Variants in CEP85 observed in about 807,000 individuals in gnomAD.
The protein encoded by CEP85 is centrosomal protein of 85 kDa.
Under a neutral mutation model 93.7 loss-of-function variants are expected in CEP85, and 58 were observed. The observed-to-expected ratio is 0.62, with a 90% CI of 0.50 to 0.77. The LOEUF is 0.77. Among genes scored for constraint, CEP85 ranks in the 30% least tolerant of loss-of-function variants. The pLI is 0.00. For missense variants in CEP85, 868 were observed against 922.0 expected (o/e 0.94, Z 0.76); for synonymous variants, 314 against 338.6 (o/e 0.93, Z 0.80).
chr1:26,259,746 T>TG lies in CEP85; in HGVS notation c.1285_1286insG (p.Ser429CysfsTer11). 1 of 1,613,464 alleles carries TG rather than the reference T, an allele frequency of 6.2e-7. No homozygotes were observed. ...AGTTGAAGTCCAGCTCATCAGAGAGTCGCTCAAAGTGGCGTTGCAGAAGCA... is the reference window on the plus strand; with the variant it reads ...AGTTGAAGTCCAGCTCATCAGAGAGTGCGCTCAAAGTGGCGTTGCAGAAGCA... On this transcript the variant is annotated frameshift_variant, in exon 7 of 14. Transcript: ENST00000451429. LOFTEE classifies it high-confidence loss of function.
intron 2 of CEP85, among the ~76,000 whole-genome samples, chr1:26,240,518 G>C (rs1442636011): frequency 6.6e-6 from 1 of 151,968 alleles, no homozygotes; most frequent in Non-Finnish European, 1.5e-5. Flanking sequence ...GTATTGTTTG[G>C]GGAATAAGAA....
rs749515523 is a variant in CEP85, at chr1:26,244,314, G to A, written c.204G>A (p.Ala68=). ...TTGGTACATCATGCTCAGATATTGC[G>A]GAGGGTAAGTTTGTATTAATGATTT... ...TAIGTSCSDI[A]EDFCSSSGSP... is the part of the protein sequence containing the mutation. The change falls in exon 3 of 14, where the codon GCG becomes GCA. Residue 68 remains alanine (A), a synonymous_variant. Coordinates refer to ENST00000451429, the MANE Select transcript of CEP85 (RefSeq NM_001319944.2). 88 of 1,613,026 alleles carry A rather than the reference G, an allele frequency of 5.5e-5. No homozygotes were observed. The highest frequency in any genetic ancestry group is 6.6e-5 in the Non-Finnish European group (78 of 1,179,506).
At chr1:26,265,905 C>G (rs2089886592) in intron 7 of CEP85, among the ~76,000 whole-genome samples, 1 of 151,366 alleles carries the variant, frequency 6.6e-6, no homozygotes, top group African/African-American at 2.4e-5. Flanking sequence ...TGACGAGACT[C>G]CATCTCTATA....
chr1:26,246,876 A>C lies in CEP85; in HGVS notation c.208+2558A>C, dbSNP rs2089517570. 4.6e-5 allele frequency among the ~76,000 whole-genome samples: 7 copies of C among 152,302 alleles called. No homozygotes were observed. In the South Asian group the frequency reaches 1.4e-3, roughly 32 times the overall value. On this transcript the variant is annotated intron_variant, in intron 3 of 13. Transcript: ENST00000451429. ...AACCATTATATATGAAGTTAAAAAAAAGCCAGACACAAAAGGCTGTATATT... is the reference window on the plus strand; with the variant it reads ...AACCATTATATATGAAGTTAAAAAACAGCCAGACACAAAAGGCTGTATATT...
chr1:26,251,686 A>G (rs2124575881), intron 3 of CEP85, among the ~76,000 whole-genome samples: 1 of 152,316 alleles, frequency 6.6e-6, no homozygotes, highest in South Asian at 2.1e-4. Flanking sequence ...TTGGCAATTA[A>G]GTTTCCAACA....
In CEP85 at chr1:26,255,550, A is replaced by G. The variant is rs1447675970; in HGVS notation, c.588A>G (p.Thr196=). The change falls in exon 4 of 14, where the codon ACA becomes ACG. Residue 196 remains threonine (T), a synonymous_variant. Transcript: ENST00000451429. ...STLNQSAMME[T]LYSDPHHRVR... ...TCAATCAGTCGGCAATGATGGAGAC[A>G]CTTTATTCAGATCCTCACCACCGAG... The G allele has an allele frequency of 6.2e-7, 1 of 1,614,122 alleles. No homozygotes were observed. Among genetic ancestry groups the G allele is most frequent in the South Asian group, 1.1e-5 (1 of 91,072 alleles).
Position 26,277,187 on chromosome 1 carries a change from G to C in CEP85, c.2180G>C (p.Arg727Thr). 6.2e-7 allele frequency: 1 copy of C among 1,614,192 alleles called. No homozygotes were observed. The highest frequency in any genetic ancestry group is 8.5e-7 in the Non-Finnish European group (1 of 1,179,998). The change falls in exon 14 of 14, where the codon AGG (arginine) becomes ACG (threonine). Residue 727 changes from arginine to threonine, a missense_variant. Transcript: ENST00000451429. ...LDLQKPDVIKRKLEEVQQLRR... is the reference protein window; with the variant it reads ...LDLQKPDVIKTKLEEVQQLRR... ...TTGCAGAAGCCAGATGTGATCAAGA[G>C]GAAACTAGAAGAGGTTCAACAGCTG...
At chr1:26,253,153 G>T (rs998628296) in intron 3 of CEP85, among the ~76,000 whole-genome samples, 2 of 151,960 alleles carry the variant, frequency 1.3e-5, no homozygotes, top group Non-Finnish European at 2.9e-5. Flanking sequence ...CTATAACTTG[G>T]CTATTGTGAA....
At chr1:26,244,078 C>T in intron 2 of CEP85, 88 bp from the exon 3 acceptor site, 8 of 1,224,502 alleles carry the variant, frequency 6.5e-6, no homozygotes, top group South Asian at 1.5e-5. Context: ...CTGCTATTCT[C>T]TTAGGTTTAT....
chr1:26,278,192 T>C lies in CEP85; in HGVS notation c.*899T>C, dbSNP rs1277804185. 6.6e-6 allele frequency: 1 copy of C among 152,534 alleles called. No homozygotes were observed. The highest frequency in any genetic ancestry group is 6.6e-5 in the Admixed American group (1 of 15,246). The allele number at this position is 152,534 out of a possible 1,614,324, so 9.4% of individuals were successfully genotyped here. A position where few individuals can be genotyped will look rare whatever the true frequency, so the allele number is the denominator to read the frequency against. On this transcript the variant is annotated 3_prime_UTR_variant, in exon 14 of 14. Transcript: ENST00000451429. ...ATTTGTGCCTCTCTTGTGTTGGGGG[T>C]GGTGGGGGTTATTCCTTTCCCTTTC...
At chr1:26,249,550 C>A (rs1030184640) in intron 3 of CEP85, among the ~76,000 whole-genome samples, 5 of 152,102 alleles carry the variant, frequency 3.3e-5, no homozygotes, top group African/African-American at 1.2e-4. Context: ...GAAAGATTCT[C>A]GAGGGACAGA....
chr1:26,244,478 A>C (rs1477513337), intron 3 of CEP85, among the ~76,000 whole-genome samples, 160 bp downstream of exon 3: 1 of 152,078 alleles, frequency 6.6e-6, no homozygotes, highest in African/African-American at 2.4e-5. Flanking sequence ...TGTGCTTCTC[A>C]CATCTGGTCC....
intron 3 of CEP85, among the ~76,000 whole-genome samples, chr1:26,250,048 A>T (rs2089579447): frequency 6.6e-6 from 1 of 152,188 alleles, no homozygotes; most frequent in Admixed American, 6.5e-5. Context: ...CCTGGTTCCC[A>T]TACACTAAAT....
intron 10 of CEP85, 21 bp downstream of exon 10, chr1:26,271,128 T>A (rs1182334577): frequency 1.4e-6 from 2 of 1,466,418 alleles, no homozygotes; most frequent in Non-Finnish European, 1.9e-6. Flanking sequence ...GTGTCCAGGC[T>A]GTAACGGAGG....
intron 7 of CEP85, among the ~76,000 whole-genome samples, chr1:26,261,444 C>T (rs1001319302): frequency 6.6e-6 from 1 of 151,836 alleles, no homozygotes; most frequent in South Asian, 2.1e-4. Context: ...TGCACCCCAG[C>T]CTAGGCAACA....
At chr1:26,251,560 C>T (rs1009145433) in intron 3 of CEP85, among the ~76,000 whole-genome samples, 12 of 152,076 alleles carry the variant, frequency 7.9e-5, no homozygotes, top group Admixed American at 4.6e-4. Flanking sequence ...CCCAAGCTTG[C>T]TTTTATAACA....
At position 26,259,598 on chromosome 1, in the gene CEP85, T is replaced by G; in HGVS notation, c.1156-19T>G. On this transcript the variant is annotated intron_variant, in intron 6 of 13. Coordinates refer to ENST00000451429, the MANE Select transcript of CEP85 (RefSeq NM_001319944.2). Reference sequence around the variant, plus strand: ...TATAAGGGTAGAGAACAGTTACATATTGAGAATCTTTCTGGCAGGAATTGC... The same window carrying G: ...TATAAGGGTAGAGAACAGTTACATAGTGAGAATCTTTCTGGCAGGAATTGC... The G allele has an allele frequency of 6.3e-7, 1 of 1,597,054 alleles. No homozygotes were observed. Among genetic ancestry groups the G allele is most frequent in the Non-Finnish European group, 8.5e-7 (1 of 1,171,040 alleles).
chr1:26,234,721 T>A (rs1373431850), intron 1 of CEP85, among the ~76,000 whole-genome samples: 1 of 152,158 alleles, frequency 6.6e-6, no homozygotes, highest in Non-Finnish European at 1.5e-5. Flanking sequence ...GGCGCGGATC[T>A]AGTCGGAGAG....
chr1:26,252,527 C>T (rs1311016971), intron 3 of CEP85, among the ~76,000 whole-genome samples: 1 of 152,130 alleles, frequency 6.6e-6, no homozygotes. Flanking sequence ...AGTGAAATTC[C>T]GGCTCCAAAA....
Sources: allele counts gnomAD v4.1 joint callset (sites outside exome capture counted in the v4.1 genomes callset), GRCh38; gene constraint gnomAD v4.1.1; transcripts MANE v1.5; gene names NCBI Gene and HGNC (gene_info 2026-07-23, HGNC 2026-07-21).